The following NT5DC1 variants were observed in gnomAD, a reference collection of about 807,000 sequenced individuals.
NT5DC1 encodes 5'-nucleotidase domain-containing protein 1.
NT5DC1 carries 42 observed loss-of-function variants against 59.4 expected under a neutral mutation model. That is an observed-to-expected ratio of 0.71 (90% CI 0.55 to 0.92). The LOEUF (loss-of-function observed/expected upper bound fraction) is 0.92, where lower values mean the gene tolerates loss of function less well. Among genes scored for constraint, NT5DC1 ranks in the 40% least tolerant of loss-of-function variants. The pLI is 0.00. For missense variants in NT5DC1, 501 were observed against 537.1 expected (o/e 0.93, Z 0.66); for synonymous variants, 172 against 188.1 (o/e 0.91, Z 0.70).
chr6:116,164,095 A>T (rs1395485657), intron 6 of NT5DC1, among the ~76,000 whole-genome samples: 2 of 152,210 alleles, frequency 1.3e-5, no homozygotes, highest in African/African-American at 4.8e-5. Context: ...AATGTTCTTT[A>T]GGTGTCTATC....
intron 1 of NT5DC1, among the ~76,000 whole-genome samples, chr6:116,102,344 G>A (rs944867156): frequency 1.3e-5 from 2 of 152,152 alleles, no homozygotes; most frequent in African/African-American, 4.8e-5. Flanking sequence ...TTTTTCTGCT[G>A]TTACACTTTC....
intron 6 of NT5DC1, among the ~76,000 whole-genome samples, chr6:116,217,192 C>G (rs867766162): frequency 2.6e-5 from 4 of 152,160 alleles, no homozygotes; most frequent in Non-Finnish European, 5.9e-5. Context: ...TTTTTTACCA[C>G]GAGAGGTCCC....
chr6:116,242,863 T>C (rs899500874), intron 11 of NT5DC1, among the ~76,000 whole-genome samples: 7 of 152,172 alleles, frequency 4.6e-5, no homozygotes, highest in Admixed American at 1.3e-4. Flanking sequence ...TCAATTTTTG[T>C]CTCTGCAGCC....
At chr6:116,135,838 T>C (rs1582825602) in intron 6 of NT5DC1, among the ~76,000 whole-genome samples, 1 of 48,756 alleles carries the variant, frequency 2.1e-5, no homozygotes, top group Non-Finnish European at 3.5e-5. Flanking sequence ...TTTTCAGATA[T>C]ATATATATAT....
At chr6:116,236,874 A>T in intron 8 of NT5DC1, 92 bp from the exon 9 acceptor site, 1 of 742,842 alleles carries the variant, frequency 1.3e-6, no homozygotes, top group Non-Finnish European at 2.4e-6. Flanking sequence ...TCTTGTTTGT[A>T]CATGTCCTGT....
At chr6:116,222,679 A>G (rs1431397911) in intron 7 of NT5DC1, among the ~76,000 whole-genome samples, 1 of 152,226 alleles carries the variant, frequency 6.6e-6, no homozygotes, top group Non-Finnish European at 1.5e-5. Context: ...TAACAAAGCC[A>G]GCCAATTTCA....
intron 6 of NT5DC1, among the ~76,000 whole-genome samples, chr6:116,177,880 A>C (rs186043205): frequency 6.9e-4 from 105 of 152,318 alleles, no homozygotes; most frequent in Middle Eastern, 3.4e-3. Context: ...GAGGTTGGAA[A>C]GGAAATGGAC....
rs1414180354 is a variant in NT5DC1, at chr6:116,214,560, A to G, written c.530-6494A>G. Among the ~76,000 whole-genome samples, 4 of 152,226 alleles carry G rather than the reference A, an allele frequency of 2.6e-5. No individual in the cohort carries two copies. The South Asian group carries it at 8.3e-4, about 32-fold the overall frequency. ...CTTGGACTGTCAGTTGACCTGAGAA[A>G]TTGTTAGAAATGCACATCTTCAGGC... On this transcript the variant is annotated intron_variant, in intron 6 of 11. Coordinates refer to ENST00000319550, the MANE Select transcript of NT5DC1 (RefSeq NM_152729.3).
chr6:116,221,909 T>C (rs1302292646), intron 7 of NT5DC1, among the ~76,000 whole-genome samples: 4 of 152,078 alleles, frequency 2.6e-5, no homozygotes, highest in African/African-American at 7.3e-5. Flanking sequence ...TAAATACTTA[T>C]TCTTGTGGGA....
At chr6:116,150,505 G>A (rs1780013240) in intron 6 of NT5DC1, among the ~76,000 whole-genome samples, 1 of 152,040 alleles carries the variant, frequency 6.6e-6, no homozygotes, top group African/African-American at 2.4e-5. Context: ...GGCTGGTCTC[G>A]AATGTGTGAC....
intron 11 of NT5DC1, among the ~76,000 whole-genome samples, chr6:116,241,802 A>C (rs1465787286): frequency 1.3e-5 from 2 of 151,090 alleles, no homozygotes; most frequent in Non-Finnish European, 2.9e-5. Context: ...GGGCGCCTGT[A>C]GTCCCAGCTA....
At chr6:116,162,969 TACAAAAA>T (rs1780371020) in intron 6 of NT5DC1, among the ~76,000 whole-genome samples, 1 of 151,476 alleles carries the variant, frequency 6.6e-6, no homozygotes, top group African/African-American at 2.4e-5. Context: ...CTACTAAATA[TACAAAAA>T]ATTAGCCAGG....
At chr6:116,141,326 G>A (rs897132225) in intron 6 of NT5DC1, among the ~76,000 whole-genome samples, 5 of 149,864 alleles carry the variant, frequency 3.3e-5, no homozygotes, top group Admixed American at 6.7e-5. Context: ...ATTTATTTTC[G>A]TTAGTTATAT....
chr6:116,190,722 T>C (rs1263469551), intron 6 of NT5DC1, among the ~76,000 whole-genome samples: 13 of 152,022 alleles, frequency 8.6e-5, no homozygotes, highest in Non-Finnish European at 1.9e-4. Flanking sequence ...GTCTCTGGAT[T>C]CTTGACAACT....
rs1241971379 is a variant in NT5DC1, at chr6:116,244,607, C to G, written c.*583C>G. The G allele has an allele frequency of 5.3e-5, 8 of 152,142 alleles. No individual in the cohort carries two copies. The highest frequency in any genetic ancestry group is 1.0e-4 in the Non-Finnish European group (7 of 68,030). 9.4% of individuals were successfully genotyped at this position (152,142 alleles called of 1,614,324 possible). A position where few individuals can be genotyped will look rare whatever the true frequency, so the allele number is the denominator to read the frequency against. On this transcript the variant is annotated 3_prime_UTR_variant, in exon 12 of 12. Coordinates refer to ENST00000319550, the MANE Select transcript of NT5DC1 (RefSeq NM_152729.3). Reference sequence around the variant, plus strand: ...TTTTATATGCCCTAGGAAAGTACAACCAGAATTGAAAACCAACTGATCTAT... The same window carrying G: ...TTTTATATGCCCTAGGAAAGTACAAGCAGAATTGAAAACCAACTGATCTAT...
intron 6 of NT5DC1, among the ~76,000 whole-genome samples, chr6:116,218,494 G>A (rs1781730539): frequency 6.6e-6 from 1 of 152,064 alleles, no homozygotes; most frequent in Non-Finnish European, 1.5e-5. Context: ...AGTAAGTTAC[G>A]AGAGAGACAC....
At chr6:116,146,463 G>A (rs887575399) in intron 6 of NT5DC1, among the ~76,000 whole-genome samples, 2 of 152,160 alleles carry the variant, frequency 1.3e-5, no homozygotes, top group African/African-American at 4.8e-5. Context: ...CAAAATGGGG[G>A]AAAGAAATCC....
intron 6 of NT5DC1, chr6:116,119,304 A>G (rs773686397): frequency 1.3e-5 from 2 of 152,574 alleles, no homozygotes; most frequent in African/African-American, 2.4e-5. Flanking sequence ...AAATCAAATT[A>G]ATCACACTTG....
chr6:116,217,030 A>T (rs1158476581), intron 6 of NT5DC1, among the ~76,000 whole-genome samples: 1 of 152,206 alleles, frequency 6.6e-6, no homozygotes. Context: ...CCCCTCGGAC[A>T]GCAGCTTTGA....
Sources: allele counts gnomAD v4.1 joint callset (sites outside exome capture counted in the v4.1 genomes callset), GRCh38; gene constraint gnomAD v4.1.1; transcripts MANE v1.5; gene names NCBI Gene and HGNC (gene_info 2026-07-23, HGNC 2026-07-21).